Variants in CLSTN2 observed in about 807,000 individuals in gnomAD.
The protein encoded by CLSTN2 is calsyntenin-2.
In CLSTN2, 48 loss-of-function variants were observed where a neutral mutation model predicts 101.2. The ratio of observed to expected loss-of-function variants is 0.47; its 90% CI spans 0.38 to 0.60. CLSTN2 has a LOEUF of 0.60. CLSTN2 is among the 20% of genes least tolerant of loss of function. CLSTN2 has a pLI of 0.00. For synonymous variants in CLSTN2, 481 were observed against 463.6 expected (o/e 1.04, Z -0.48); for missense variants, 1,160 against 1,238.2 (o/e 0.94, Z 0.95).
intron 1 of CLSTN2, among the ~76,000 whole-genome samples, chr3:139,997,559 A>T (rs765592254): frequency 1.1e-4 from 17 of 152,088 alleles, no homozygotes; most frequent in Non-Finnish European, 2.2e-4. Flanking sequence ...AATTTTTTCT[A>T]GTCCTGTTAG....
At chr3:140,417,026 A>G (rs2088439336) in intron 4 of CLSTN2, among the ~76,000 whole-genome samples, 1 of 152,242 alleles carries the variant, frequency 6.6e-6, no homozygotes, top group African/African-American at 2.4e-5. Flanking sequence ...GAAAGCACAG[A>G]GAAGTATGAA....
intron 2 of CLSTN2, among the ~76,000 whole-genome samples, chr3:140,352,494 A>G (rs957892703): frequency 6.6e-6 from 1 of 152,218 alleles, no homozygotes; most frequent in Non-Finnish European, 1.5e-5. Flanking sequence ...GCAGTTTATT[A>G]ACTAGGATTC....
intron 2 of CLSTN2, among the ~76,000 whole-genome samples, chr3:140,372,549 T>C (rs1032001988): frequency 5.9e-5 from 9 of 152,066 alleles, no homozygotes; most frequent in Non-Finnish European, 1.3e-4. Flanking sequence ...GCACTAAAAT[T>C]CCCCTGAATC....
chr3:140,237,148 C>G (rs1262899073), intron 2 of CLSTN2, among the ~76,000 whole-genome samples: 1 of 151,978 alleles, frequency 6.6e-6, no homozygotes, highest in Non-Finnish European at 1.5e-5. Flanking sequence ...GTACTTTGTT[C>G]TGGAATGCAC....
chr3:139,936,810 G>T (rs1031724499), intron 1 of CLSTN2, among the ~76,000 whole-genome samples: 1 of 152,054 alleles, frequency 6.6e-6, no homozygotes, highest in Non-Finnish European at 1.5e-5. Context: ...AAATTTTTTG[G>T]TGTCATCGTT....
At chr3:140,434,023 A>G (rs2088663285) in intron 5 of CLSTN2, among the ~76,000 whole-genome samples, 1 of 152,202 alleles carries the variant, frequency 6.6e-6, no homozygotes, top group Admixed American at 6.5e-5. Flanking sequence ...TGCTCTCTGC[A>G]TGACCCAGTG....
intron 1 of CLSTN2, among the ~76,000 whole-genome samples, chr3:139,963,332 T>TTC (rs143966161): frequency 1.3e-5 from 2 of 151,736 alleles, no homozygotes; most frequent in Admixed American, 1.3e-4. Flanking sequence ...TTCAGCTTTT[T>TTC]TCTCTCTCTC....
chr3:140,466,224 C>T lies in CLSTN2; in HGVS notation c.1223-386C>T, dbSNP rs544625121. Among the ~76,000 whole-genome samples, 9 of 152,288 alleles carry T rather than the reference C, an allele frequency of 5.9e-5. No homozygotes were observed. In the South Asian group the frequency reaches 1.9e-3, roughly 32 times the overall value. Reference sequence around the variant, plus strand: ...AGAAGAAACCAGTATGTTAAAGGAGCACAGAGTGACTGATGTGATTGGCAT... The same window carrying T: ...AGAAGAAACCAGTATGTTAAAGGAGTACAGAGTGACTGATGTGATTGGCAT... On this transcript the variant is annotated intron_variant, in intron 7 of 16. Coordinates refer to ENST00000458420, the MANE Select transcript of CLSTN2 (RefSeq NM_022131.3).
At chr3:140,051,107 G>C (rs1049287472) in intron 1 of CLSTN2, among the ~76,000 whole-genome samples, 1 of 152,166 alleles carries the variant, frequency 6.6e-6, no homozygotes, top group Non-Finnish European at 1.5e-5. Context: ...CATCCTTGGG[G>C]CCTCCCTCAG....
At chr3:140,061,738 G>T (rs1347809114) in intron 1 of CLSTN2, among the ~76,000 whole-genome samples, 1 of 152,218 alleles carries the variant, frequency 6.6e-6, no homozygotes, top group Non-Finnish European at 1.5e-5. Flanking sequence ...CTGCACCAAG[G>T]CAGATGGAAA....
At chr3:140,403,603 A>G in intron 2 of CLSTN2, 26 bp from the exon 3 acceptor site, 1 of 1,573,914 alleles carries the variant, frequency 6.4e-7, no homozygotes, top group Non-Finnish European at 8.7e-7. Flanking sequence ...CAGGATTCCC[A>G]CTCACTGTTT....
At chr3:140,375,236 T>C (rs759264951) in intron 2 of CLSTN2, among the ~76,000 whole-genome samples, 21 of 152,314 alleles carry the variant, frequency 1.4e-4, no homozygotes, top group South Asian at 4.2e-4. Context: ...TTCTGGTACA[T>C]TGAAGAAACT....
intron 2 of CLSTN2, among the ~76,000 whole-genome samples, chr3:140,239,467 TA>T (rs1161421867): frequency 6.6e-6 from 1 of 152,210 alleles, no homozygotes; most frequent in Non-Finnish European, 1.5e-5. Flanking sequence ...TTAAAATGAA[TA>T]AATGAATATC....
rs347972 is a variant in CLSTN2, at chr3:140,574,502, C to T, written c.*8249C>T. ...CCTTGTGCTGCTCTCCAGTTCCTTTCATCAGATTTACTGCAGAGCAGATTC... is the reference window on the plus strand; with the variant it reads ...CCTTGTGCTGCTCTCCAGTTCCTTTTATCAGATTTACTGCAGAGCAGATTC... On this transcript the variant is annotated 3_prime_UTR_variant, in exon 17 of 17. Coordinates refer to ENST00000458420, the MANE Select transcript of CLSTN2 (RefSeq NM_022131.3). 1 allele frequency: 151,922 copies of T among 152,310 alleles called. 75,772 individuals are homozygous for T. The highest frequency in any genetic ancestry group is 1 in the Middle Eastern group (294 of 294). The allele number at this position is 152,310 out of a possible 1,614,324, so 9.4% of individuals were successfully genotyped here. A position where few individuals can be genotyped will look rare whatever the true frequency, so the allele number is the denominator to read the frequency against.
intron 2 of CLSTN2, among the ~76,000 whole-genome samples, chr3:140,229,278 G>A (rs1195338602): frequency 2.0e-5 from 3 of 152,126 alleles, no homozygotes; most frequent in Admixed American, 6.5e-5. Flanking sequence ...TATACATAAG[G>A]CATTCAGCCA....
At chr3:140,076,610 C>T (rs1403780128) in intron 1 of CLSTN2, among the ~76,000 whole-genome samples, 1 of 147,214 alleles carries the variant, frequency 6.8e-6, no homozygotes, top group Non-Finnish European at 1.5e-5. Flanking sequence ...CAATGACTCC[C>T]CTCTCACCAG....
intron 2 of CLSTN2, among the ~76,000 whole-genome samples, chr3:140,186,008 AACT>A (rs1344224892): frequency 3.9e-5 from 6 of 152,176 alleles, no homozygotes; most frequent in African/African-American, 1.4e-4. Context: ...GCCTAGTGAA[AACT>A]ACCTGTTATA....
chr3:139,996,232 T>TG (rs1246669308), intron 1 of CLSTN2, among the ~76,000 whole-genome samples: 1 of 152,120 alleles, frequency 6.6e-6, no homozygotes, highest in African/African-American at 2.4e-5. Context: ...CTGGGACTTT[T>TG]TTTTCACAGT....
chr3:140,043,802 T>C (rs1210964626), intron 1 of CLSTN2, among the ~76,000 whole-genome samples: 2 of 152,244 alleles, frequency 1.3e-5, no homozygotes, highest in Non-Finnish European at 2.9e-5. Flanking sequence ...CATTTCTTGT[T>C]TTTGTCAGGT....
Sources: allele counts gnomAD v4.1 joint callset (sites outside exome capture counted in the v4.1 genomes callset), GRCh38; gene constraint gnomAD v4.1.1; transcripts MANE v1.5; gene names NCBI Gene and HGNC (gene_info 2026-07-23, HGNC 2026-07-21).